MROH1: variants seen among roughly 807,000 people sequenced by gnomAD.
MROH1 encodes the protein maestro heat like repeat family member 1, also known as maestro heat-like repeat-containing protein family member 1.
Under a neutral mutation model 116.5 loss-of-function variants are expected in MROH1, and 117 were observed. That is an observed-to-expected ratio of 1.00 (90% confidence interval 0.86 to 1.17). MROH1 has a LOEUF of 1.17. MROH1 is among the 50% of genes most tolerant of loss of function. The pLI, the probability that MROH1 is intolerant of heterozygous loss-of-function variation, is 0.00. For synonymous variants in MROH1, 921 were observed against 583.9 expected (o/e 1.58, Z -8.32); for missense variants, 1,873 against 1,338.5 (o/e 1.40, Z -6.23).
At chr8:144,253,024 C>T (rs1342250018) in intron 33 of MROH1, among the ~76,000 whole-genome samples, 5 of 149,532 alleles carry the variant, frequency 3.3e-5, no homozygotes, top group South Asian at 2.1e-4. Context: ...CGTGGCAGCA[C>T]GTGTCTGTAA....
At chr8:144,261,566 G>GC (rs1244568586) in intron 43 of MROH1, 89 bp from the exon 44 acceptor site, 12 of 699,894 alleles carry the variant, frequency 1.7e-5, no homozygotes, top group Non-Finnish European at 3.1e-5. Flanking sequence ...GAGCCTCCCA[G>GC]CAGAGGCTGT....
chr8:144,240,551 G>A lies in MROH1; in HGVS notation c.1828-19G>A. 1.4e-6 allele frequency: 1 copy of A among 715,732 alleles called. No individual in the cohort carries two copies. Among genetic ancestry groups the A allele is most frequent in the Non-Finnish European group, 2.6e-6 (1 of 384,852 alleles). 44.3% of individuals were successfully genotyped at this position (715,732 alleles called of 1,614,324 possible). A position where few individuals can be genotyped will look rare whatever the true frequency, so the allele number is the denominator to read the frequency against. On this transcript the variant is annotated intron_variant, in intron 19 of 43. Coordinates refer to ENST00000326134, the MANE Select transcript of MROH1 (RefSeq NM_032450.3). ...GAGGGGTCGGGCTCCCAGCCCCTCA[G>A]TGGCATCTTGGCCTGCAGTTCCTGC... is the stretch of plus-strand genomic sequence containing the variant.
intron 12 of MROH1, among the ~76,000 whole-genome samples, chr8:144,202,509 G>A (rs1290318698): frequency 6.5e-4 from 76 of 117,098 alleles, no homozygotes; most frequent in Non-Finnish European, 9.9e-4. Flanking sequence ...AAGGGAGAAC[G>A]GGCTCTCTGT....
intron 12 of MROH1, among the ~76,000 whole-genome samples, chr8:144,210,907 T>G (rs1833962761): frequency 6.6e-6 from 1 of 152,196 alleles, no homozygotes. Context: ...ATTCTCATTG[T>G]CAGGCAACTG....
At chr8:144,226,688 A>G (rs909819321) in intron 14 of MROH1, among the ~76,000 whole-genome samples, 2 of 150,834 alleles carry the variant, frequency 1.3e-5, no homozygotes, top group South Asian at 2.1e-4. Flanking sequence ...CCTGGCCTGA[A>G]GTGATCCACC....
chr8:144,232,486 A>G (rs1187756702), intron 14 of MROH1, among the ~76,000 whole-genome samples: 1 of 150,938 alleles, frequency 6.6e-6, no homozygotes, highest in African/African-American at 2.4e-5. Context: ...TTATTTATTT[A>G]TTTATTTATT....
rs1844409520 is a variant in MROH1 at position 144,258,761 on chromosome 8, C to T, written c.3792-16C>T. On this transcript the variant is annotated splice_polypyrimidine_tract_variant and intron_variant, in intron 35 of 43. Transcript: ENST00000326134. ...CGTGTGTGCCCTACCAGCTGAGCAC[C>T]CTGGCAATCCTGCAGCTCTGCAGTG... 2 of 762,326 alleles carry T rather than the reference C, an allele frequency of 2.6e-6. No individual in the cohort carries two copies. The highest frequency in any genetic ancestry group is 1.7e-5 in the African/African-American group (1 of 58,910). The allele number at this position is 762,326 out of a possible 1,614,324, so 47.2% of individuals were successfully genotyped here.
At chr8:144,253,319 C>T (rs993593410) in intron 33 of MROH1, among the ~76,000 whole-genome samples, 13 of 152,370 alleles carry the variant, frequency 8.5e-5, no homozygotes, top group East Asian at 7.7e-4. Context: ...TTAAAGCTTC[C>T]GGAAGCAGCC....
At chr8:144,228,672 C>T (rs1588346813) in intron 14 of MROH1, among the ~76,000 whole-genome samples, 1 of 152,176 alleles carries the variant, frequency 6.6e-6, no homozygotes, top group Non-Finnish European at 1.5e-5. Context: ...CCATGTTAGC[C>T]AAGATGGTCG....
chr8:144,225,282 C>A (rs903589141), intron 14 of MROH1, among the ~76,000 whole-genome samples: 1 of 152,148 alleles, frequency 6.6e-6, no homozygotes, highest in African/African-American at 2.4e-5. Context: ...ATTCTGGGCA[C>A]AAGTCCTTTG....
At chr8:144,245,899 G>A (rs1841800944) in intron 29 of MROH1, among the ~76,000 whole-genome samples, 1 of 152,106 alleles carries the variant, frequency 6.6e-6, no homozygotes, top group Non-Finnish European at 1.5e-5. Context: ...GGGCTCAAGT[G>A]ATCCTCCTGT....
intron 7 of MROH1, among the ~76,000 whole-genome samples, chr8:144,181,023 T>A (rs1825490911): frequency 6.6e-6 from 1 of 151,914 alleles, no homozygotes; most frequent in South Asian, 2.1e-4. Flanking sequence ...CCACTGACAG[T>A]GGGGGAGTGG....
intron 4 of MROH1, among the ~76,000 whole-genome samples, 166 bp from the exon 5 acceptor site, chr8:144,179,289 G>T (rs900526738): frequency 1.3e-5 from 2 of 152,132 alleles, no homozygotes; most frequent in African/African-American, 2.4e-5. Flanking sequence ...TGTGAGGCTT[G>T]CAGGCCGGCT....
intron 28 of MROH1, 133 bp downstream of exon 28, chr8:144,244,672 G>A: frequency 1.5e-6 from 1 of 674,686 alleles, no homozygotes; most frequent in Non-Finnish European, 2.7e-6. Flanking sequence ...GGTGGTTTAT[G>A]AACAGGCAGG....
At chr8:144,160,079 A>T (rs1192913690) in intron 1 of MROH1, among the ~76,000 whole-genome samples, 2 of 152,172 alleles carry the variant, frequency 1.3e-5, no homozygotes, top group African/African-American at 4.8e-5. Context: ...CACGCCTGGT[A>T]ATTTTTGATT....
chr8:144,248,785 C>T (rs993661836), intron 31 of MROH1, 92 bp from the exon 32 acceptor site: 9 of 720,630 alleles, frequency 1.2e-5, no homozygotes, highest in Admixed American at 5.9e-5. Flanking sequence ...TGGCTTCCCG[C>T]CCTAACGCGA....
chr8:144,193,799 G>A lies in MROH1; in HGVS notation c.948+1398G>A, dbSNP rs191154431. Among the ~76,000 whole-genome samples the A allele has an allele frequency of 9.7e-3, 1,468 of 152,074 alleles. 17 individuals are homozygous for A. The highest frequency in any genetic ancestry group is 0.031 in the African/African-American group (1,300 of 41,500). On this transcript the variant is annotated intron_variant, in intron 10 of 43. Transcript: ENST00000326134. The stretch of plus-strand genomic sequence containing the variant: ...GTTTTTTGTATTTTTAGTAGAGATG[G>A]GGTTTCACCATGTTGGCCAGGCTGA...
Position 144,243,543 on chromosome 8 carries a change from G to A in MROH1, c.2402G>A (p.Arg801His), listed in dbSNP as rs1841378138. The part of the protein sequence containing the change: ...CLVQSVCMVS[R>H]AICSSTQAGS... ...GTCCAGAGTGTGTGCATGGTCAGCC[G>A]CGCCATCTGCAGCAGCACCCAGGCT... is the stretch of plus-strand genomic sequence containing the variant. The change falls in exon 25 of 44, where the codon CGC (arginine) becomes CAC (histidine). Residue 801 changes from arginine to histidine, a missense_variant. Physicochemically the swap from Arg to His is conservative, Grantham distance 29 (BLOSUM62 0). Transcript: ENST00000326134. 4 of 780,046 alleles carry A rather than the reference G, an allele frequency of 5.1e-6. No individual in the cohort carries two copies. Among genetic ancestry groups the A allele is most frequent in the African/African-American group, 3.4e-5 (2 of 59,150 alleles). 48.3% of individuals were successfully genotyped at this position (780,046 alleles called of 1,614,324 possible).
intron 14 of MROH1, among the ~76,000 whole-genome samples, chr8:144,232,792 CTATTTATTTATTTATTTATTTATT>C (rs113198206): frequency 1.4e-5 from 2 of 137,952 alleles, no homozygotes; most frequent in Admixed American, 7.4e-5. Flanking sequence ...CGCACCTGGC[CTATTTATTTATTTATTTATTTATT>C]TATTTATTTA....
Sources: gnomAD v4.1 joint callset for allele counts (sites outside exome capture counted in the v4.1 genomes callset) on GRCh38, gnomAD v4.1.1 for gene constraint, MANE v1.5 for transcripts, NCBI Gene and HGNC (gene_info 2026-07-23, HGNC 2026-07-21) for gene names.